Variants in EXOC4 observed in about 807,000 individuals in gnomAD.
EXOC4 encodes exocyst complex component 4.
A neutral mutation model predicts 107.2 loss-of-function variants in EXOC4; 71 were observed. The ratio of observed to expected loss-of-function variants is 0.66; its 90% CI spans 0.55 to 0.81. EXOC4 has a LOEUF of 0.81. EXOC4 is among the 30% of genes least tolerant of loss of function. The pLI, the probability that EXOC4 is intolerant of heterozygous loss-of-function variation, is 0.00. For missense variants in EXOC4, 1,108 were observed against 1,189.6 expected (o/e 0.93, Z 1.01); for synonymous variants, 456 against 441.2 (o/e 1.03, Z -0.42).
At chr7:133,789,269 T>C (rs965501458) in intron 10 of EXOC4, among the ~76,000 whole-genome samples, 2 of 152,196 alleles carry the variant, frequency 1.3e-5, no homozygotes, top group African/African-American at 4.8e-5. Flanking sequence ...GTTTATTCTT[T>C]ATCTAAAAAG....
intron 3 of EXOC4, among the ~76,000 whole-genome samples, chr7:133,299,669 TTAAAGAA>T (rs1358759967): frequency 1.3e-5 from 2 of 152,190 alleles, no homozygotes. Flanking sequence ...TGAAGATACT[TTAAAGAA>T]TAAATTCACA....
In EXOC4 at chr7:133,611,302, G is replaced by A. The variant is rs146240361; in HGVS notation, c.1418-18743G>A. Among the ~76,000 whole-genome samples, 431 of 152,254 alleles carry A rather than the reference G, an allele frequency of 2.8e-3. 1 individual carries two copies. Among genetic ancestry groups the A allele is most frequent in the African/African-American group, 9.9e-3 (412 of 41,548 alleles). On this transcript the variant is annotated intron_variant, in intron 9 of 17. Coordinates refer to ENST00000253861, the MANE Select transcript of EXOC4 (RefSeq NM_021807.4). ...TAGACCTTGTGTGCTGCTTGGCAGGGAGAATAGGAGACATTTCAGATAACT... is the reference window on the plus strand; with the variant it reads ...TAGACCTTGTGTGCTGCTTGGCAGGAAGAATAGGAGACATTTCAGATAACT...
chr7:133,275,174 A>T lies in EXOC4; in HGVS notation c.276+3A>T. 6.3e-7 allele frequency: 1 copy of T among 1,589,490 alleles called. No individual in the cohort carries two copies. The highest frequency in any genetic ancestry group is 8.6e-7 in the Non-Finnish European group (1 of 1,166,040). Reference sequence around the variant, plus strand: ...ACTCCCGAAATAAAATAAAGCAGGTATTCCTCCTTTCTGGTCTGATGGTGG... The same window carrying T: ...ACTCCCGAAATAAAATAAAGCAGGTTTTCCTCCTTTCTGGTCTGATGGTGG... On this transcript the variant is annotated splice_donor_region_variant and intron_variant, in intron 2 of 17. Transcript: ENST00000253861.
intron 10 of EXOC4, among the ~76,000 whole-genome samples, chr7:133,759,762 G>C (rs1228124589): frequency 6.6e-6 from 1 of 152,166 alleles, no homozygotes; most frequent in African/African-American, 2.4e-5. Flanking sequence ...TGAGGGAAAA[G>C]AAGAAGGAGA....
chr7:133,364,519 A>C (rs1796209057), intron 6 of EXOC4, among the ~76,000 whole-genome samples: 1 of 152,048 alleles, frequency 6.6e-6, no homozygotes, highest in South Asian at 2.1e-4. Context: ...TTTCAGCACT[A>C]CTCACAGTGG....
intron 17 of EXOC4, among the ~76,000 whole-genome samples, chr7:134,029,250 G>T (rs1795213252): frequency 6.6e-6 from 1 of 152,124 alleles, no homozygotes; most frequent in Non-Finnish European, 1.5e-5. Flanking sequence ...TATAACTTTT[G>T]CCACCACCCT....
At chr7:133,432,041 T>G (rs1411319057) in intron 7 of EXOC4, among the ~76,000 whole-genome samples, 1 of 152,144 alleles carries the variant, frequency 6.6e-6, no homozygotes, top group Non-Finnish European at 1.5e-5. Context: ...GATTCCTGAA[T>G]TTTGTTGTAT....
At chr7:133,528,791 C>T (rs1269246360) in intron 9 of EXOC4, among the ~76,000 whole-genome samples, 3 of 152,032 alleles carry the variant, frequency 2.0e-5, no homozygotes, top group East Asian at 3.8e-4. Context: ...AGAAAATGTA[C>T]GTAAGTTTGG....
intron 7 of EXOC4, among the ~76,000 whole-genome samples, chr7:133,406,280 A>G (rs1797217753): frequency 6.6e-6 from 1 of 152,174 alleles, no homozygotes; most frequent in African/African-American, 2.4e-5. Flanking sequence ...ACTGCACTAC[A>G]TCCATGGGCG....
intron 7 of EXOC4, among the ~76,000 whole-genome samples, chr7:133,400,082 T>G (rs1231445267): frequency 1.3e-5 from 2 of 152,212 alleles, no homozygotes; most frequent in Non-Finnish European, 2.9e-5. Context: ...CACTTGGATC[T>G]GCGGGGGCAG....
chr7:133,601,158 G>A (rs1000010914), intron 9 of EXOC4, among the ~76,000 whole-genome samples: 2 of 152,026 alleles, frequency 1.3e-5, no homozygotes, highest in East Asian at 3.9e-4. Context: ...CTTTGTGATC[G>A]GGTTTTTTTC....
chr7:133,462,303 G>A (rs1798612907), intron 7 of EXOC4, among the ~76,000 whole-genome samples: 1 of 152,160 alleles, frequency 6.6e-6, no homozygotes. Context: ...TCAGCCTACT[G>A]GTGGGGGATA....
At chr7:133,341,184 T>C (rs1467175144) in intron 5 of EXOC4, among the ~76,000 whole-genome samples, 1 of 152,168 alleles carries the variant, frequency 6.6e-6, no homozygotes, top group African/African-American at 2.4e-5. Flanking sequence ...TGAAATTTGC[T>C]CTTAGCACCA....
intron 6 of EXOC4, among the ~76,000 whole-genome samples, chr7:133,358,605 A>C (rs190808776): frequency 6.6e-6 from 1 of 152,244 alleles, no homozygotes. Context: ...ATACTCTAAA[A>C]TTCTGGTTTG....
chr7:133,473,576 T>C (rs978265), intron 7 of EXOC4, among the ~76,000 whole-genome samples: 151,661 of 152,262 alleles, frequency 1, 75,540 homozygotes, highest in Middle Eastern at 1. Context: ...TGTCTGGTAT[T>C]GGTATAGCAA....
At chr7:134,056,141 A>G (rs1795916556) in intron 17 of EXOC4, among the ~76,000 whole-genome samples, 1 of 152,210 alleles carries the variant, frequency 6.6e-6, no homozygotes, top group Admixed American at 6.5e-5. Context: ...ACTAAAGTAT[A>G]TAATACAATG....
chr7:133,837,564 C>T (rs1292157748), intron 11 of EXOC4, among the ~76,000 whole-genome samples: 3 of 152,180 alleles, frequency 2.0e-5, no homozygotes, highest in Non-Finnish European at 4.4e-5. Context: ...CTAAGTCCTC[C>T]ATGCCCAAAA....
At chr7:133,861,325 T>C (rs1423745114) in intron 11 of EXOC4, among the ~76,000 whole-genome samples, 1 of 152,168 alleles carries the variant, frequency 6.6e-6, no homozygotes, top group African/African-American at 2.4e-5. Flanking sequence ...GTTACCTGGG[T>C]GGCAAAATAA....
intron 1 of EXOC4, among the ~76,000 whole-genome samples, chr7:133,268,512 T>G (rs1331818685): frequency 6.6e-6 from 1 of 152,216 alleles, no homozygotes; most frequent in Non-Finnish European, 1.5e-5. Context: ...TTTTCTCCTG[T>G]CCGGACTCCA....
Sources: allele counts gnomAD v4.1 joint callset (sites outside exome capture counted in the v4.1 genomes callset), GRCh38; gene constraint gnomAD v4.1.1; transcripts MANE v1.5; gene names NCBI Gene and HGNC (gene_info 2026-07-23, HGNC 2026-07-21).